ZNF280D: variants seen among roughly 807,000 people sequenced by gnomAD.
ZNF280D encodes the protein suppressor of hairy wing homolog 4.
Under a neutral mutation model 94.7 loss-of-function variants are expected in ZNF280D, and 39 were observed. The observed-to-expected ratio is 0.41, with a 90% CI of 0.32 to 0.54. ZNF280D has a LOEUF of 0.54. ZNF280D is among the 20% of genes least tolerant of loss of function. The pLI, the probability that ZNF280D is intolerant of heterozygous loss-of-function variation, is 0.22. For missense variants in ZNF280D, 1,090 were observed against 1,149.3 expected, an observed-to-expected ratio of 0.95 and a Z score of 0.75; for synonymous variants, 398 against 377.6, an observed-to-expected ratio of 1.05 and a Z score of -0.63.
chr15:56,659,723 G>A lies in ZNF280D; in HGVS notation c.1995-1237C>T, dbSNP rs369572333. 3.8e-4 allele frequency among the ~76,000 whole-genome samples: 57 copies of A among 151,322 alleles called. No individual in the cohort carries two copies. The South Asian group carries it at 7.9e-3, about 21-fold the overall frequency. ...TCCCCCACCAACAACCCCATCCCCC[G>A]TGACAACCCCTCAACCTACAAAGGG... On this transcript the variant is annotated intron_variant, in intron 16 of 21. Transcript: ENST00000267807.
intron 14 of ZNF280D, among the ~76,000 whole-genome samples, chr15:56,667,576 T>G (rs1452092272): frequency 6.6e-6 from 1 of 152,182 alleles, no homozygotes; most frequent in Non-Finnish European, 1.5e-5. Flanking sequence ...GTATTCAGAA[T>G]GAGAAAATGT....
Position 56,673,278 on chromosome 15 carries a change from A to G in ZNF280D, c.1410+3392T>C, listed in dbSNP as rs373995012. 7.0e-4 allele frequency among the ~76,000 whole-genome samples: 106 copies of G among 151,320 alleles called. 1 individual carries two copies. Among genetic ancestry groups the G allele is most frequent in the African/African-American group, 2.4e-3 (100 of 41,272 alleles). On this transcript the variant is annotated intron_variant, in intron 13 of 21. Coordinates refer to ENST00000267807, the MANE Select transcript of ZNF280D (RefSeq NM_017661.4). Reference sequence around the variant, plus strand: ...TCCTATATCCCTGTCCCCCTCCTACAAAAAAAAATCTGTTCCTTATTCAGT... The same window carrying G: ...TCCTATATCCCTGTCCCCCTCCTACGAAAAAAAATCTGTTCCTTATTCAGT...
intron 6 of ZNF280D, among the ~76,000 whole-genome samples, chr15:56,694,294 TACACACACACAC>T (rs57017142): frequency 0.2 from 27,015 of 138,446 alleles, 2,572 homozygotes; most frequent in Middle Eastern, 0.29. Context: ...TAATGACACA[TACACACACACAC>T]ACACACACAC....
At chr15:56,677,943 T>C (rs2055345210) in intron 11 of ZNF280D, among the ~76,000 whole-genome samples, 1 of 151,982 alleles carries the variant, frequency 6.6e-6, no homozygotes, top group South Asian at 2.1e-4. Flanking sequence ...CTTGTAGCTA[T>C]ATTAAGAGGC....
At chr15:56,662,990 C>G (rs1295656830) in intron 16 of ZNF280D, among the ~76,000 whole-genome samples, 1 of 151,592 alleles carries the variant, frequency 6.6e-6, no homozygotes, top group East Asian at 1.9e-4. Context: ...CTGTAGAAAA[C>G]AAACATGGGG....
intron 1 of ZNF280D, among the ~76,000 whole-genome samples, chr15:56,719,946 T>A (rs1425565349): frequency 2.0e-5 from 3 of 151,832 alleles, no homozygotes; most frequent in Admixed American, 2.0e-4. Flanking sequence ...AGTCATAATC[T>A]TTTTGCTGGA....
chr15:56,700,688 GT>G, intron 6 of ZNF280D: 1 of 1,423,712 alleles, frequency 7.0e-7, no homozygotes, highest in East Asian at 2.5e-5. Context: ...TGATAGTATA[GT>G]TTTCATTACT....
intron 6 of ZNF280D, among the ~76,000 whole-genome samples, chr15:56,697,289 A>G (rs903887796): frequency 1.6e-4 from 24 of 151,870 alleles, no homozygotes; most frequent in African/African-American, 5.8e-4. Flanking sequence ...GGTTCAAGTG[A>G]TTCTCCTGCC....
chr15:56,636,314 A>G lies in ZNF280D; in HGVS notation c.2260-1064T>C, dbSNP rs377080989. Among the ~76,000 whole-genome samples the G allele has an allele frequency of 3.2e-4, 48 of 152,264 alleles. No individual in the cohort carries two copies. In the South Asian group the frequency reaches 8.1e-3, roughly 26 times the overall value. On this transcript the variant is annotated intron_variant, in intron 20 of 21. Transcript: ENST00000267807. ...GCAAGGAAAAGAGATCAATTTGCCCAGAGAACCAAAAACACCTGGTATTTG... is the reference window on the plus strand; with the variant it reads ...GCAAGGAAAAGAGATCAATTTGCCCGGAGAACCAAAAACACCTGGTATTTG...
intron 9 of ZNF280D, among the ~76,000 whole-genome samples, chr15:56,685,268 C>T (rs1355790582): frequency 6.6e-6 from 1 of 151,746 alleles, no homozygotes. Flanking sequence ...TAAACCATGA[C>T]AAAAACACTG....
chr15:56,712,755 TTC>T lies in ZNF280D; in HGVS notation c.-85-5451_-85-5450del, dbSNP rs1491519382. 2.0e-5 allele frequency among the ~76,000 whole-genome samples: 3 copies of T among 150,254 alleles called. No individual in the cohort carries two copies. The East Asian group carries it at 5.8e-4, about 29-fold the overall frequency. ...TGGTGAATGGCTTTTTTTTTTTTTT[TTC>T]TGAGGTGGAGTCTTGCTCTGTTGCT... On this transcript the variant is annotated intron_variant, in intron 1 of 21. Coordinates refer to ENST00000267807, the MANE Select transcript of ZNF280D (RefSeq NM_017661.4).
At chr15:56,681,314 G>C (rs1345617765) in intron 10 of ZNF280D, among the ~76,000 whole-genome samples, 1 of 151,952 alleles carries the variant, frequency 6.6e-6, no homozygotes, top group Admixed American at 6.6e-5. Flanking sequence ...AAACACAAAA[G>C]GCATACATAT....
chr15:56,691,413 T>C (rs1224217028), intron 7 of ZNF280D, among the ~76,000 whole-genome samples: 1 of 152,228 alleles, frequency 6.6e-6, no homozygotes, highest in Non-Finnish European at 1.5e-5. Flanking sequence ...CAATGAATGC[T>C]GGAATTCTGA....
intron 6 of ZNF280D, chr15:56,698,173 C>G (rs961774799): frequency 4.6e-5 from 7 of 152,164 alleles, no homozygotes; most frequent in Non-Finnish European, 8.8e-5. Flanking sequence ...AATCATTGGT[C>G]TATCTTAGCT....
chr15:56,663,203 G>A (rs1482430388), intron 16 of ZNF280D, among the ~76,000 whole-genome samples: 3 of 148,036 alleles, frequency 2.0e-5, no homozygotes, highest in Admixed American at 6.9e-5. Context: ...AGGATCACCT[G>A]AGCCCAGAAG....
chr15:56,669,918 ATATATATTATATATATATT>A (rs2054641238), intron 13 of ZNF280D, among the ~76,000 whole-genome samples: 4 of 7,212 alleles, frequency 5.5e-4, no homozygotes, highest in African/African-American at 1.6e-3. Flanking sequence ...TATATATTAT[ATATATATTATATATATATT>A]ATATATATAT....
At chr15:56,647,977 A>T (rs774440869) in intron 19 of ZNF280D, among the ~76,000 whole-genome samples, 1 of 152,238 alleles carries the variant, frequency 6.6e-6, no homozygotes, top group Non-Finnish European at 1.5e-5. Context: ...CTAAGAGATT[A>T]TATTATTCAA....
chr15:56,632,496 A>ATT lies in ZNF280D; in HGVS notation c.2316-376_2316-375dup, dbSNP rs35589148. 1.7e-3 allele frequency among the ~76,000 whole-genome samples: 223 copies of ATT among 129,164 alleles called. 2 individuals carry two copies. The highest frequency in any genetic ancestry group is 5.9e-3 in the Admixed American group (74 of 12,540). The allele number at this position is 129,164 out of a possible 152,430, so 84.7% of individuals were successfully genotyped here. On this transcript the variant is annotated intron_variant, in intron 21 of 21. Coordinates refer to ENST00000267807, the MANE Select transcript of ZNF280D (RefSeq NM_017661.4). ...GGAAAAAAATCTATATTTTTTTATG[A>ATT]TTTTTTTTTTTTTTTTTTTGAGACA...
In ZNF280D at chr15:56,676,789, A is replaced by G; in HGVS notation, c.1291T>C (p.Ser431Pro). ...GTTCTAAAATGAGTTTCTACATCAG[A>G]AAATGATGATGATCTATAATTACAA... ...QVCNYRSSSF[S>P]DVETHFRTSH... is the part of the protein sequence containing the mutation. Residue 431 changes from serine (S) to proline (P), a missense_variant, in exon 13 of 22, where the codon TCT becomes CCT. Ser to Pro is a moderately conservative substitution (Grantham distance 74, BLOSUM62 -1). Transcript: ENST00000267807. The G allele has an allele frequency of 6.2e-7, 1 of 1,604,106 alleles. No homozygotes were observed. Among genetic ancestry groups the G allele is most frequent in the South Asian group, 1.1e-5 (1 of 88,934 alleles).
Sources: allele counts gnomAD v4.1 joint callset (sites outside exome capture counted in the v4.1 genomes callset), GRCh38; gene constraint gnomAD v4.1.1; transcripts MANE v1.5; gene names NCBI Gene and HGNC (gene_info 2026-07-23, HGNC 2026-07-21).